The following ARB2A variants were observed in gnomAD, a reference collection of about 807,000 sequenced individuals.
ARB2A encodes the protein ARB2 cotranscriptional regulator A.
the ARB2A span, among the ~76,000 whole-genome samples, chr5:93,673,526 G>C: frequency 1.3e-5 from 2 of 152,128 alleles, no homozygotes; most frequent in African/African-American, 4.8e-5. Flanking sequence ...AATTGGCATA[G>C]GAAAGAAGAA....
At chr5:93,981,069 A>ATTT in the ARB2A span, among the ~76,000 whole-genome samples, 5 of 144,214 alleles carry the variant, frequency 3.5e-5, no homozygotes, top group Non-Finnish European at 4.5e-5. Context: ...GTATTTCTTA[A>ATTT]TTTTTTTTTT....
At chr5:94,082,476 A>T in the ARB2A span, among the ~76,000 whole-genome samples, 3 of 152,228 alleles carry the variant, frequency 2.0e-5, no homozygotes. Flanking sequence ...GATTAAGCCT[A>T]GTAAGCCATA....
the ARB2A span, among the ~76,000 whole-genome samples, chr5:93,814,763 T>A: frequency 6.6e-6 from 1 of 152,226 alleles, no homozygotes; most frequent in East Asian, 1.9e-4. Flanking sequence ...TCAGTAATTA[T>A]CTTTAATAAC....
At chr5:93,812,347 AT>A in the ARB2A span, among the ~76,000 whole-genome samples, 1 of 152,088 alleles carries the variant, frequency 6.6e-6, no homozygotes, top group Non-Finnish European at 1.5e-5. Flanking sequence ...TAGGCCACTG[AT>A]CTCACATTAT....
the ARB2A span, among the ~76,000 whole-genome samples, chr5:93,624,356 G>A: frequency 0.21 from 31,552 of 152,080 alleles, 4,817 homozygotes; most frequent in African/African-American, 0.43. Context: ...ACCCTTATCA[G>A]AAGTCTCTAC....
At chr5:93,656,307 C>A in the ARB2A span, among the ~76,000 whole-genome samples, 1 of 152,138 alleles carries the variant, frequency 6.6e-6, no homozygotes, top group African/African-American at 2.4e-5. Context: ...AAGTTCCAAA[C>A]ATTAAAAAAT....
the ARB2A span, among the ~76,000 whole-genome samples, chr5:93,766,233 C>T: frequency 6.6e-6 from 1 of 152,076 alleles, no homozygotes; most frequent in Non-Finnish European, 1.5e-5. Context: ...AAAGAAACTA[C>T]CATCAGAGTC....
At chr5:93,888,358 A>C in the ARB2A span, among the ~76,000 whole-genome samples, 2 of 151,870 alleles carry the variant, frequency 1.3e-5, no homozygotes, top group South Asian at 2.1e-4. Flanking sequence ...AAAAGAAGTA[A>C]CAAGTTAAAA....
chr5:93,721,308 T>C, the ARB2A span, among the ~76,000 whole-genome samples: 2 of 152,138 alleles, frequency 1.3e-5, no homozygotes, highest in Non-Finnish European at 2.9e-5. Context: ...CTTACTCTCA[T>C]AGTTAATCGT....
the ARB2A span, among the ~76,000 whole-genome samples, chr5:93,789,326 G>T: frequency 6.6e-6 from 1 of 152,054 alleles, no homozygotes; most frequent in Non-Finnish European, 1.5e-5. Flanking sequence ...CATTACTACC[G>T]TATGAGCATG....
chr5:93,757,518 A>T, the ARB2A span, among the ~76,000 whole-genome samples: 1 of 152,242 alleles, frequency 6.6e-6, no homozygotes, highest in East Asian at 1.9e-4. Context: ...CTATCAGATT[A>T]ACAGCAGATT....
chr5:94,055,472 T>A, the ARB2A span, among the ~76,000 whole-genome samples: 1 of 152,172 alleles, frequency 6.6e-6, no homozygotes, highest in African/African-American at 2.4e-5. Context: ...AGCCATCAAA[T>A]GCTTCATTAA....
At chr5:93,879,221 C>T in the ARB2A span, among the ~76,000 whole-genome samples, 1 of 151,984 alleles carries the variant, frequency 6.6e-6, no homozygotes, top group Admixed American at 6.6e-5. Flanking sequence ...CAAAATGAAC[C>T]GTTCTTCTCT....
At chr5:93,682,892 C>T in the ARB2A span, 58 of 1,540,876 alleles carry the variant, frequency 3.8e-5, no homozygotes, top group Middle Eastern at 2.1e-4. Flanking sequence ...GTTAGTCATC[C>T]GGAAGCAATT....
At chr5:93,965,264 G>A in the ARB2A span, among the ~76,000 whole-genome samples, 5 of 151,972 alleles carry the variant, frequency 3.3e-5, no homozygotes, top group Non-Finnish European at 5.9e-5. Flanking sequence ...AAGAAAACAA[G>A]CCAAGAAATT....
At chr5:93,928,265 C>T in the ARB2A span, among the ~76,000 whole-genome samples, 3 of 152,120 alleles carry the variant, frequency 2.0e-5, no homozygotes, top group African/African-American at 7.2e-5. Context: ...TCGATTTTCA[C>T]ACTGAGATTT....
chr5:93,757,580 C>T, the ARB2A span, among the ~76,000 whole-genome samples: 265 of 152,306 alleles, frequency 1.7e-3, no homozygotes, highest in Non-Finnish European at 3.0e-3. Flanking sequence ...TATCTTCAGT[C>T]TCCTCAAACA....
chr5:93,952,065 T>C, the ARB2A span, among the ~76,000 whole-genome samples: 1 of 152,124 alleles, frequency 6.6e-6, no homozygotes, highest in Non-Finnish European at 1.5e-5. Context: ...GCCCTGGATA[T>C]AGGTAAGACC....
the ARB2A span, among the ~76,000 whole-genome samples, chr5:93,840,679 T>C: frequency 5.8e-4 from 88 of 152,284 alleles, 1 homozygote; most frequent in African/African-American, 2.0e-3. Flanking sequence ...CACTAGACAC[T>C]TGAACTGGCT....
Sources: gnomAD v4.1 joint callset for allele counts (sites outside exome capture counted in the v4.1 genomes callset) on GRCh38, gnomAD v4.1.1 for gene constraint, MANE v1.5 for transcripts, NCBI Gene and HGNC (gene_info 2026-07-23, HGNC 2026-07-21) for gene names.